The following NDUFA10 variants were observed in gnomAD, a reference collection of about 807,000 sequenced individuals.
NDUFA10 encodes the protein NADH dehydrogenase [ubiquinone] 1 alpha subcomplex subunit 10, mitochondrial.
Under a neutral mutation model 47.8 loss-of-function variants are expected in NDUFA10, and 40 were observed. That is an observed-to-expected ratio of 0.84 (90% CI 0.65 to 1.09). The LOEUF is 1.09. Ranked by LOEUF, NDUFA10 falls within the 50% of genes least tolerant of loss-of-function variation. The pLI is 0.00. For missense variants in NDUFA10, 413 were observed against 451.1 expected, an observed-to-expected ratio of 0.92 and a Z score of 0.76; for synonymous variants, 183 against 172.2, an observed-to-expected ratio of 1.06 and a Z score of -0.49.
intron 5 of NDUFA10, among the ~76,000 whole-genome samples, chr2:239,893,968 C>G (rs901019830): frequency 6.7e-6 from 1 of 150,256 alleles, no homozygotes; most frequent in East Asian, 2.0e-4. Context: ...TCCATCCCAG[C>G]CTCATTCCTT....
intron 4 of NDUFA10, among the ~76,000 whole-genome samples, chr2:239,934,693 C>T (rs190417305): frequency 4.4e-4 from 67 of 152,292 alleles, no homozygotes; most frequent in African/African-American, 1.6e-3. Context: ...CGCTGGACCT[C>T]ATTCGTCCTG....
At chr2:239,963,894 G>A (rs1260876136) in intron 9 of NDUFA10, among the ~76,000 whole-genome samples, 1 of 152,194 alleles carries the variant, frequency 6.6e-6, no homozygotes, top group Non-Finnish European at 1.5e-5. Flanking sequence ...GTGACCACGC[G>A]TGACATACGG....
At chr2:239,946,965 C>A (rs762275661) in intron 4 of NDUFA10, among the ~76,000 whole-genome samples, 19 of 152,238 alleles carry the variant, frequency 1.2e-4, no homozygotes, top group Non-Finnish European at 2.1e-4. Flanking sequence ...AAGGAGGGAA[C>A]CCTGCGTGAA....
At chr2:239,951,600 G>A (rs1303401360) in intron 4 of NDUFA10, among the ~76,000 whole-genome samples, 3 of 152,220 alleles carry the variant, frequency 2.0e-5, no homozygotes, top group Admixed American at 6.5e-5. Context: ...AAGCAGCTAT[G>A]ATGGAGGGGC....
chr2:239,942,154 A>G (rs1196126782), intron 4 of NDUFA10, among the ~76,000 whole-genome samples: 2 of 152,262 alleles, frequency 1.3e-5, no homozygotes, highest in Non-Finnish European at 2.9e-5. Flanking sequence ...TTTTACATAT[A>G]CAAAGTTCAC....
rs1364022544 is a variant in NDUFA10 at position 240,011,971 on chromosome 2, G to A, written c.670-275C>T. 5 of 437,248 alleles carry A rather than the reference G, an allele frequency of 1.1e-5. No individual in the cohort carries two copies. In the East Asian group the frequency reaches 2.4e-4, roughly 21 times the overall value. The allele number at this position is 437,248 out of a possible 1,614,324, so 27.1% of individuals were successfully genotyped here. A position where few individuals can be genotyped will look rare whatever the true frequency, so the allele number is the denominator to read the frequency against. ...TATACTTAGGGCAAGAAAGATGCCT[G>A]TTACGAAGCAGCACTGCCTGTCTTT... On this transcript the variant is annotated intron_variant, in intron 5 of 9. Transcript: ENST00000252711.
rs1269321074 is a variant in NDUFA10, at chr2:239,928,960, G to A, written c.295-33646C>T. Among the ~76,000 whole-genome samples, 1 of 152,138 alleles carries A rather than the reference G, an allele frequency of 6.6e-6. No homozygotes were observed. The highest frequency in any genetic ancestry group is 1.5e-5 in the Non-Finnish European group (1 of 68,018). ...CCCACTCCCGAGGTCAGGAGCCCCC[G>A]ACTCTTCCTCCTGCACCTACTCCTG... On this transcript the variant is annotated intron_variant, in intron 4 of 5. Transcript: ENST00000419408. The surrounding 1 kb of genome is among the most constrained non-coding windows in gnomAD (Gnocchi z 4.3).
chr2:239,990,205 A>T, intron 8 of NDUFA10, 23 bp from the exon 9 acceptor site: 1 of 1,540,724 alleles, frequency 6.5e-7, no homozygotes, highest in Non-Finnish European at 9.0e-7. Context: ...ACACATGTGG[A>T]TCACACCAAA....
rs1431594106 is a variant in NDUFA10 at position 239,945,984 on chromosome 2, C to T, written c.294+44090G>A. Among the ~76,000 whole-genome samples, 5 of 152,172 alleles carry T rather than the reference C, an allele frequency of 3.3e-5. No homozygotes were observed. Among genetic ancestry groups the T allele is most frequent in the Admixed American group, 3.3e-4 (5 of 15,282 alleles). On this transcript the variant is annotated intron_variant, in intron 4 of 5. Transcript: ENST00000419408. This position sits in a 1 kb window ranked among gnomAD's most constrained non-coding sequence, Gnocchi z 4.6. The stretch of plus-strand genomic sequence containing the variant: ...AGAGCCTCACATAATGAGCTGCACC[C>T]CCAGACCAGGACAGGAGAGGAGGGC...
Position 239,967,069 on chromosome 2 carries a change from C to A in NDUFA10, c.1000-5883G>T, listed in dbSNP as rs554370920. Among the ~76,000 whole-genome samples, 12 of 152,166 alleles carry A rather than the reference C, an allele frequency of 7.9e-5. No individual in the cohort carries two copies. In the South Asian group the frequency reaches 1.7e-3, roughly 21 times the overall value. ...CCCGTCATAAATAACACCGATGTGC[C>A]CCCTCTAGATTTATGTGCTTGAGAT... On this transcript the variant is annotated intron_variant, in intron 9 of 9. Transcript: ENST00000252711.
chr2:239,901,140 C>A (rs1693540465), intron 4 of NDUFA10, among the ~76,000 whole-genome samples: 1 of 152,204 alleles, frequency 6.6e-6, no homozygotes, highest in Non-Finnish European at 1.5e-5. Context: ...CTGAAGCCAA[C>A]ACTCTTTTCC....
At chr2:240,002,884 C>G (rs1317784061) in intron 8 of NDUFA10, among the ~76,000 whole-genome samples, 2 of 152,108 alleles carry the variant, frequency 1.3e-5, no homozygotes, top group South Asian at 2.1e-4. Flanking sequence ...GACAGAGTCT[C>G]TGTCGCCCAA....
downstream of NDUFA10, among the ~76,000 whole-genome samples, chr2:239,954,735 A>AT (rs933112420): frequency 3.3e-5 from 5 of 152,168 alleles, no homozygotes; most frequent in Non-Finnish European, 7.4e-5. Context: ...AAAAAATAGC[A>AT]TTTTTTTATT....
At position 240,021,379 on chromosome 2, in the gene NDUFA10, T is replaced by C. The variant is rs1299242198; in HGVS notation, c.278A>G (p.Tyr93Cys). ...FKHFPEAGIH[Y>C]PDSTTGDGKP... ...CCCATCTCCTGTGGTACTGTCTGGATAATGAATCCCCGCTTCAGGAAAGTG... is the reference window on the plus strand; with the variant it reads ...CCCATCTCCTGTGGTACTGTCTGGACAATGAATCCCCGCTTCAGGAAAGTG... Residue 93 changes from tyrosine to cysteine, a missense_variant, in exon 3 of 10, where the codon TAT becomes TGT. By Grantham distance (194) the Tyr-to-Cys change is radical. Transcript: ENST00000252711. 6.2e-7 allele frequency: 1 copy of C among 1,614,230 alleles called. No individual in the cohort carries two copies. The highest frequency in any genetic ancestry group is 1.3e-5 in the African/African-American group (1 of 75,062).
At chr2:239,915,943 G>A (rs1047820079) in intron 4 of NDUFA10, among the ~76,000 whole-genome samples, 17 of 139,330 alleles carry the variant, frequency 1.2e-4, no homozygotes, top group African/African-American at 4.7e-4. Flanking sequence ...GACAGACACA[G>A]AGAGACACAC....
At chr2:240,014,995 G>T in intron 4 of NDUFA10, 135 bp from the exon 5 acceptor site, 1 of 1,322,292 alleles carries the variant, frequency 7.6e-7, no homozygotes, top group South Asian at 1.3e-5. Context: ...ACCCTATCTC[G>T]GTCACAGTTC....
chr2:240,019,129 G>A (rs1354597257), intron 3 of NDUFA10, among the ~76,000 whole-genome samples: 1 of 152,160 alleles, frequency 6.6e-6, no homozygotes, highest in Non-Finnish European at 1.5e-5. Flanking sequence ...GCCCTGCTGT[G>A]TCTGGGCAGA....
At chr2:239,964,413 C>T (rs1195709552) in intron 9 of NDUFA10, among the ~76,000 whole-genome samples, 1 of 152,208 alleles carries the variant, frequency 6.6e-6, no homozygotes, top group Non-Finnish European at 1.5e-5. Flanking sequence ...GCCCCGCCTG[C>T]ACCGTGATTT....
chr2:239,922,081 G>A (rs1255943078), intron 4 of NDUFA10, among the ~76,000 whole-genome samples: 1 of 103,234 alleles, frequency 9.7e-6, no homozygotes, highest in Non-Finnish European at 1.9e-5. Flanking sequence ...TTCCTTCCTT[G>A]CTTGTTTCCT....
Sources: gnomAD v4.1 joint callset for allele counts (sites outside exome capture counted in the v4.1 genomes callset) on GRCh38, gnomAD v4.1.1 for gene constraint, Gnocchi (gnomAD v3.1) non-coding constraint, MANE v1.5 for transcripts, NCBI Gene and HGNC (gene_info 2026-07-23, HGNC 2026-07-21) for gene names.